Variants in DNAH11 observed in about 807,000 individuals in gnomAD.
The protein encoded by DNAH11 is axonemal beta dynein heavy chain 11.
A neutral mutation model predicts 526.0 loss-of-function variants in DNAH11; 442 were observed. That is an observed-to-expected ratio of 0.84 (90% CI 0.78 to 0.91). The LOEUF is 0.91. DNAH11 is among the 40% of genes least tolerant of loss of function. DNAH11 has a pLI of 0.00. For missense variants in DNAH11, 6,989 were observed against 5,448.7 expected (o/e 1.28, Z -8.90); for synonymous variants, 2,461 against 1,935.9 (o/e 1.27, Z -7.12).
At chr7:21,736,505 G>A (rs1785619715) in intron 46 of DNAH11, among the ~76,000 whole-genome samples, 1 of 152,204 alleles carries the variant, frequency 6.6e-6, no homozygotes, top group Non-Finnish European at 1.5e-5. Flanking sequence ...TATTAAAACT[G>A]TTGAGTTGCC....
chr7:21,844,082 A>G (rs985827510), intron 66 of DNAH11, among the ~76,000 whole-genome samples: 1 of 152,186 alleles, frequency 6.6e-6, no homozygotes, highest in Non-Finnish European at 1.5e-5. Context: ...TTCCATGCCT[A>G]ATTTGGCCTG....
At chr7:21,680,230 T>A (rs1033471409) in intron 30 of DNAH11, among the ~76,000 whole-genome samples, 7 of 152,164 alleles carry the variant, frequency 4.6e-5, no homozygotes, top group African/African-American at 1.7e-4. Context: ...ATTTTGACAG[T>A]AGGCTACAAA....
At chr7:21,566,375 C>T (rs933695191) in intron 6 of DNAH11, among the ~76,000 whole-genome samples, 1 of 151,964 alleles carries the variant, frequency 6.6e-6, no homozygotes, top group African/African-American at 2.4e-5. Flanking sequence ...GTAAATATGC[C>T]CAACATGTTA....
At chr7:21,878,825 C>A (rs920106185) in intron 74 of DNAH11, among the ~76,000 whole-genome samples, 15 of 152,138 alleles carry the variant, frequency 9.9e-5, no homozygotes, top group African/African-American at 3.4e-4. Context: ...GTCTGAACTA[C>A]TCACACTGGT....
chr7:21,587,685 A>T (rs144088287), intron 9 of DNAH11, among the ~76,000 whole-genome samples: 1 of 152,174 alleles, frequency 6.6e-6, no homozygotes, highest in Non-Finnish European at 1.5e-5. Context: ...GGATATTTAT[A>T]TCTAAAGAAT....
rs545832762 is a variant in DNAH11 at position 21,789,450 on chromosome 7, G to C, written c.10026+108G>C. 3.9e-5 allele frequency: 26 copies of C among 659,496 alleles called. No individual in the cohort carries two copies. The South Asian group carries it at 5.2e-4, about 13-fold the overall frequency. The allele number at this position is 659,496 out of a possible 1,614,324, so 40.9% of individuals were successfully genotyped here. A position where few individuals can be genotyped will look rare whatever the true frequency, so the allele number is the denominator to read the frequency against. On this transcript the variant is annotated intron_variant, in intron 61 of 81. Coordinates refer to ENST00000409508, the MANE Select transcript of DNAH11 (RefSeq NM_001277115.2). ...ATATCTGAGCCCTATCAAGCAGAAA[G>C]GAATTCGATCTTCCATGAGTGTATT...
chr7:21,562,111 T>A (rs1337074045), intron 5 of DNAH11, among the ~76,000 whole-genome samples: 1 of 152,208 alleles, frequency 6.6e-6, no homozygotes, highest in Non-Finnish European at 1.5e-5. Context: ...GCCTCTGGTT[T>A]TTCATTGGCC....
intron 25 of DNAH11, among the ~76,000 whole-genome samples, chr7:21,622,699 G>C (rs375967577): frequency 6.6e-6 from 1 of 152,012 alleles, no homozygotes; most frequent in South Asian, 2.1e-4. Context: ...ACAAACCTGA[G>C]AAAAACAAGC....
intron 30 of DNAH11, among the ~76,000 whole-genome samples, chr7:21,661,690 C>A (rs1001379609): frequency 9.2e-5 from 14 of 152,124 alleles, no homozygotes; most frequent in Admixed American, 3.3e-4. Flanking sequence ...TTCTACTATT[C>A]ATTAGCTATG....
chr7:21,702,369 T>TGGA (rs1376684637), intron 36 of DNAH11, among the ~76,000 whole-genome samples: 1 of 151,960 alleles, frequency 6.6e-6, no homozygotes, highest in African/African-American at 2.4e-5. Context: ...TGCTTCTGGT[T>TGGA]GGAGGTGAAA....
intron 8 of DNAH11, among the ~76,000 whole-genome samples, chr7:21,576,500 A>G (rs917096212): frequency 6.6e-6 from 1 of 152,318 alleles, no homozygotes; most frequent in African/African-American, 2.4e-5. Context: ...GGGTATGGAT[A>G]ATATGTTTGA....
chr7:21,859,750 G>T (rs1782985692), intron 68 of DNAH11, among the ~76,000 whole-genome samples: 1 of 151,924 alleles, frequency 6.6e-6, no homozygotes, highest in Admixed American at 6.6e-5. Context: ...TATTTATATA[G>T]AGAGATATAG....
chr7:21,645,975 C>T (rs527528827), intron 28 of DNAH11, among the ~76,000 whole-genome samples: 4 of 152,146 alleles, frequency 2.6e-5, no homozygotes, highest in African/African-American at 9.6e-5. Context: ...AAAACTTTAG[C>T]TTATCAAAAG....
intron 2 of DNAH11, among the ~76,000 whole-genome samples, chr7:21,553,313 A>G (rs1460143338): frequency 6.6e-6 from 1 of 152,064 alleles, no homozygotes; most frequent in Non-Finnish European, 1.5e-5. Flanking sequence ...CTGCTTTAGG[A>G]ACATATAAGA....
At chr7:21,573,529 C>G (rs1179565438) in intron 8 of DNAH11, among the ~76,000 whole-genome samples, 1 of 152,076 alleles carries the variant, frequency 6.6e-6, no homozygotes, top group Non-Finnish European at 1.5e-5. Flanking sequence ...TGTGTTTTGC[C>G]TATCATTATT....
At position 21,735,769 on chromosome 7, in the gene DNAH11, T is replaced by G. The variant is rs2072220; in HGVS notation, c.7570T>G (p.Leu2524Val). Residue 2524 changes from leucine (L) to valine (V), a missense_variant, in exon 46 of 82, where the codon TTG becomes GTG. By Grantham distance (32) the Leu-to-Val change is conservative (BLOSUM62 1). Transcript: ENST00000409508. ...AAAAACAGTCTTTGTAGGTGACACA[T>G]TGGCAAGTCTCTCTGAGGATTACAT... ...VGKTVFVGDT[L>V]ASLSEDYIVS... 6.2e-7 allele frequency: 1 copy of G among 1,613,848 alleles called. No homozygotes were observed. Among genetic ancestry groups the G allele is most frequent in the Admixed American group, 1.7e-5 (1 of 60,004 alleles).
chr7:21,787,868 T>A (rs1045225663), intron 60 of DNAH11, among the ~76,000 whole-genome samples: 7 of 152,212 alleles, frequency 4.6e-5, no homozygotes, highest in Non-Finnish European at 1.0e-4. Context: ...TTATTTACAT[T>A]TAAATATTTA....
intron 45 of DNAH11, among the ~76,000 whole-genome samples, chr7:21,732,376 C>G (rs982946258): frequency 1.3e-5 from 2 of 152,132 alleles, no homozygotes; most frequent in African/African-American, 4.8e-5. Context: ...TTCATTTTAA[C>G]TTAATCACCT....
chr7:21,716,285 C>G (rs1274690155), intron 42 of DNAH11, among the ~76,000 whole-genome samples: 4 of 152,196 alleles, frequency 2.6e-5, no homozygotes, highest in African/African-American at 9.6e-5. Context: ...GAGCCGCGAT[C>G]TAAACCTGAG....
Sources: gnomAD v4.1 joint callset for allele counts (sites outside exome capture counted in the v4.1 genomes callset) on GRCh38, gnomAD v4.1.1 for gene constraint, MANE v1.5 for transcripts, NCBI Gene and HGNC (gene_info 2026-07-23, HGNC 2026-07-21) for gene names.